BMERB1: variants seen among roughly 807,000 people sequenced by gnomAD.
BMERB1 encodes the protein bMERB domain-containing protein 1.
In BMERB1, 12 loss-of-function variants were observed where a neutral mutation model predicts 23.6. The observed-to-expected ratio is 0.51, with a 90% CI of 0.33 to 0.82. The LOEUF is 0.82. BMERB1 is among the 40% of genes least tolerant of loss of function. The pLI is 0.03. For synonymous variants in BMERB1, 122 were observed against 96.6 expected (o/e 1.26, Z -1.54); for missense variants, 247 against 255.4 (o/e 0.97, Z 0.22).
chr16:15,537,302 A>T (rs973364317), intron 2 of BMERB1, among the ~76,000 whole-genome samples: 4 of 152,080 alleles, frequency 2.6e-5, no homozygotes, highest in East Asian at 3.8e-4. Context: ...ATTTTTTTAA[A>T]GAAATCAAGT....
chr16:15,543,356 G>C (rs932261909), intron 2 of BMERB1, among the ~76,000 whole-genome samples: 3 of 152,124 alleles, frequency 2.0e-5, no homozygotes, highest in Non-Finnish European at 4.4e-5. Context: ...TTTGGAAAAG[G>C]CAACATTTGG....
chr16:15,550,061 T>TGCCTCAGCTTCCC (rs368931664), intron 2 of BMERB1, among the ~76,000 whole-genome samples: 448 of 151,606 alleles, frequency 3.0e-3, no homozygotes, highest in Middle Eastern at 0.021. Context: ...GCCATGCTCC[T>TGCCTCAGCTTCCC]GCCTCAGCTT....
chr16:15,564,418 A>G (rs2030510765), intron 2 of BMERB1, among the ~76,000 whole-genome samples: 2 of 152,252 alleles, frequency 1.3e-5, no homozygotes, highest in African/African-American at 4.8e-5. Context: ...TCCGAGCTAA[A>G]TAAGAGATAA....
intron 1 of BMERB1, among the ~76,000 whole-genome samples, chr16:15,498,410 C>A (rs1197829780): frequency 9.2e-5 from 14 of 151,886 alleles, no homozygotes. Context: ...TGTAGTCCCA[C>A]CTATTCAGGA....
chr16:15,465,534 G>T (rs529370196), intron 1 of BMERB1, among the ~76,000 whole-genome samples: 1 of 151,874 alleles, frequency 6.6e-6, no homozygotes, highest in African/African-American at 2.4e-5. Context: ...TGTATTTTTA[G>T]TAGAGACAGG....
chr16:15,482,827 C>T (rs146325309), intron 1 of BMERB1, among the ~76,000 whole-genome samples: 4 of 152,244 alleles, frequency 2.6e-5, no homozygotes, highest in Admixed American at 2.6e-4. Flanking sequence ...CAGCATTTAT[C>T]CTATGTCAGG....
intron 2 of BMERB1, among the ~76,000 whole-genome samples, chr16:15,525,712 A>G (rs1253103305): frequency 6.6e-6 from 1 of 151,926 alleles, no homozygotes; most frequent in East Asian, 1.9e-4. Flanking sequence ...CTCAGAAAAA[A>G]AAAAAAGAAA....
Position 15,515,340 on chromosome 16 carries a change from A to C in BMERB1, c.142A>C (p.Met48Leu), listed in dbSNP as rs1364966330. The change falls in exon 2 of 6, where the codon ATG becomes CTG. Residue 48 changes from methionine (M) to leucine (L), a missense_variant. Met to Leu is a conservative substitution (Grantham distance 15, BLOSUM62 2). Transcript: ENST00000300006. ...LDIISMAETT[M>L]MPEEIELEMA... Reference sequence around the variant, plus strand: ...CATCATCTCCATGGCGGAGACAACCATGATGCCAGAGGAGATTGAGCTGGA... The same window carrying C: ...CATCATCTCCATGGCGGAGACAACCCTGATGCCAGAGGAGATTGAGCTGGA... 1 of 1,613,742 alleles carries C rather than the reference A, an allele frequency of 6.2e-7. No individual in the cohort carries two copies. The highest frequency in any genetic ancestry group is 1.3e-5 in the African/African-American group (1 of 74,900).
At chr16:15,542,684 A>T (rs1459570729) in intron 2 of BMERB1, among the ~76,000 whole-genome samples, 1 of 143,946 alleles carries the variant, frequency 6.9e-6, no homozygotes, top group African/African-American at 2.7e-5. Flanking sequence ...TAAGATACAT[A>T]AAAAAGATAT....
intron 2 of BMERB1, among the ~76,000 whole-genome samples, chr16:15,534,303 A>AAAAAAAG (rs2052002816): frequency 8.6e-6 from 1 of 116,924 alleles, no homozygotes; most frequent in Non-Finnish European, 1.7e-5. Context: ...AAAAAAAAAA[A>AAAAAAAG]AAAAAAAAAA....
intron 1 of BMERB1, among the ~76,000 whole-genome samples, chr16:15,473,783 A>T (rs961354795): frequency 2.6e-5 from 4 of 152,100 alleles, no homozygotes; most frequent in Non-Finnish European, 5.9e-5. Context: ...CCATGGTTTC[A>T]AAGGAGAACT....
At chr16:15,560,204 A>G (rs2030379060) in intron 2 of BMERB1, among the ~76,000 whole-genome samples, 1 of 152,184 alleles carries the variant, frequency 6.6e-6, no homozygotes, top group Non-Finnish European at 1.5e-5. Flanking sequence ...TCGCTTGTCA[A>G]TGGGTTGTGG....
intron 2 of BMERB1, among the ~76,000 whole-genome samples, chr16:15,543,159 C>G (rs973894895): frequency 2.6e-5 from 4 of 152,002 alleles, no homozygotes; most frequent in African/African-American, 9.7e-5. Context: ...GGTAATCTTC[C>G]CCTGGAGTTC....
chr16:15,436,453 T>A (rs985727065), intron 1 of BMERB1, among the ~76,000 whole-genome samples: 22 of 152,042 alleles, frequency 1.4e-4, no homozygotes, highest in African/African-American at 5.1e-4. Context: ...GAGATGGGGT[T>A]TCACCATGTT....
intron 1 of BMERB1, among the ~76,000 whole-genome samples, chr16:15,498,012 T>A (rs2051491172): frequency 6.6e-6 from 1 of 152,178 alleles, no homozygotes; most frequent in Admixed American, 6.5e-5. Context: ...TCCCCTCACT[T>A]AACCTCCATA....
intron 2 of BMERB1, among the ~76,000 whole-genome samples, chr16:15,533,536 G>C (rs550615546): frequency 2.6e-5 from 4 of 152,056 alleles, no homozygotes; most frequent in Admixed American, 2.6e-4. Context: ...CTGGGACCAA[G>C]TAGCAGCCTC....
chr16:15,463,699 G>A (rs573452558), intron 1 of BMERB1, among the ~76,000 whole-genome samples: 13 of 152,068 alleles, frequency 8.5e-5, no homozygotes, highest in African/African-American at 3.1e-4. Flanking sequence ...CACTTTGGGA[G>A]AACATATTCA....
intron 1 of BMERB1, among the ~76,000 whole-genome samples, chr16:15,470,566 G>A (rs576470008): frequency 2.5e-4 from 37 of 149,752 alleles, no homozygotes; most frequent in African/African-American, 4.2e-4. Flanking sequence ...TTTCTCTGTC[G>A]CAAGGCTGGA....
intron 1 of BMERB1, chr16:15,502,154 C>T (rs2051536840): frequency 2.6e-6 from 2 of 763,372 alleles, no homozygotes; most frequent in Non-Finnish European, 4.3e-6. Context: ...TCTTCACGTG[C>T]TGTTGGTGCG....
Sources: allele counts gnomAD v4.1 joint callset (sites outside exome capture counted in the v4.1 genomes callset), GRCh38; gene constraint gnomAD v4.1.1; transcripts MANE v1.5; gene names NCBI Gene and HGNC (gene_info 2026-07-23, HGNC 2026-07-21).